Variants in PSD3 observed in about 807,000 individuals in gnomAD.
PSD3 encodes the protein PH and SEC7 domain-containing protein 3.
In PSD3, 49 loss-of-function variants were observed where a neutral mutation model predicts 105.5. That is an observed-to-expected ratio of 0.46 (90% CI 0.37 to 0.59). The LOEUF is 0.59. PSD3 is among the 20% of genes least tolerant of loss of function. PSD3 has a pLI of 0.00. For synonymous variants in PSD3, 557 were observed against 457.8 expected (o/e 1.22, Z -2.77); for missense variants, 1,561 against 1,263.8 (o/e 1.24, Z -3.57).
intron 1 of PSD3, among the ~76,000 whole-genome samples, chr8:19,054,048 A>G (rs572829423): frequency 4.0e-4 from 61 of 152,240 alleles, no homozygotes; most frequent in African/African-American, 1.4e-3. Context: ...TGTAAGTTGT[A>G]CTGGTACTTG....
intron 9 of PSD3, among the ~76,000 whole-genome samples, chr8:18,669,296 A>G (rs1563158363): frequency 6.6e-6 from 1 of 152,256 alleles, no homozygotes; most frequent in African/African-American, 2.4e-5. Context: ...CCAGTGGAAC[A>G]TGAAACCACG....
intron 9 of PSD3, among the ~76,000 whole-genome samples, chr8:18,674,142 C>CT (rs199608020): frequency 3.3e-5 from 5 of 150,176 alleles, no homozygotes; most frequent in African/African-American, 1.2e-4. Flanking sequence ...TGAAACTTGT[C>CT]TTAAAAAAAA....
intron 9 of PSD3, among the ~76,000 whole-genome samples, chr8:18,752,519 AATAT>A (rs554742638): frequency 4.4e-5 from 3 of 67,882 alleles, no homozygotes; most frequent in Admixed American, 2.3e-4. Flanking sequence ...TAATATATGT[AATAT>A]ATATAATTAT....
At chr8:18,810,361 T>G (rs369328426) in intron 4 of PSD3, among the ~76,000 whole-genome samples, 5 of 152,330 alleles carry the variant, frequency 3.3e-5, no homozygotes, top group Admixed American at 2.6e-4. Flanking sequence ...TATGTGGCAC[T>G]AATTTTCCAA....
At chr8:19,028,572 T>A (rs931215205) in intron 1 of PSD3, among the ~76,000 whole-genome samples, 1 of 152,158 alleles carries the variant, frequency 6.6e-6, no homozygotes, top group African/African-American at 2.4e-5. Context: ...TAAGAATTCT[T>A]TATACATCCT....
chr8:19,036,406 C>G (rs1041345074), intron 1 of PSD3, among the ~76,000 whole-genome samples: 10 of 152,166 alleles, frequency 6.6e-5, no homozygotes, highest in Non-Finnish European at 1.3e-4. Flanking sequence ...GACCCGCCTC[C>G]TGTCATTGAC....
chr8:18,918,580 T>C (rs2129466517), intron 2 of PSD3, among the ~76,000 whole-genome samples: 1 of 152,350 alleles, frequency 6.6e-6, no homozygotes, highest in Non-Finnish European at 1.5e-5. Context: ...TGAAGGAAGT[T>C]TTTAGCATCT....
chr8:18,678,534 G>A (rs1393716876), intron 9 of PSD3, among the ~76,000 whole-genome samples: 3 of 152,206 alleles, frequency 2.0e-5, no homozygotes, highest in Non-Finnish European at 4.4e-5. Flanking sequence ...TTTCCCAGCT[G>A]GGCGTGGTGG....
chr8:18,842,544 T>C (rs1814715822), intron 4 of PSD3, among the ~76,000 whole-genome samples: 1 of 152,032 alleles, frequency 6.6e-6, no homozygotes, highest in Non-Finnish European at 1.5e-5. Flanking sequence ...CCATCCTGGC[T>C]AACACGGTGA....
intron 9 of PSD3, among the ~76,000 whole-genome samples, chr8:18,679,726 G>A (rs1348988450): frequency 3.3e-5 from 5 of 152,114 alleles, no homozygotes; most frequent in Admixed American, 1.3e-4. Flanking sequence ...GCCAGGATGC[G>A]GCATCCTGAC....
intron 8 of PSD3, among the ~76,000 whole-genome samples, chr8:18,776,565 A>G (rs2129444873): frequency 6.6e-6 from 1 of 151,972 alleles, no homozygotes; most frequent in South Asian, 2.1e-4. Context: ...TTTAGTAGAG[A>G]CAGGGTTTCA....
intron 1 of PSD3, among the ~76,000 whole-genome samples, chr8:18,964,718 G>A (rs1411340107): frequency 1.3e-5 from 2 of 152,076 alleles, no homozygotes; most frequent in Admixed American, 6.5e-5. Flanking sequence ...AAGATCCTGC[G>A]TCTACCACTG....
intron 10 of PSD3, among the ~76,000 whole-genome samples, chr8:18,654,322 A>G (rs1015468148): frequency 2.0e-5 from 3 of 152,222 alleles, no homozygotes; most frequent in African/African-American, 7.2e-5. Flanking sequence ...TGCAGATAAC[A>G]TAACAAGTTT....
intron 1 of PSD3, among the ~76,000 whole-genome samples, chr8:18,947,753 C>T (rs934058305): frequency 3.2e-4 from 48 of 152,184 alleles, no homozygotes; most frequent in Admixed American, 2.0e-3. Context: ...CTTCTAGGAA[C>T]CGTGCCTGGC....
chr8:18,743,611 G>C (rs1804749249), intron 9 of PSD3, among the ~76,000 whole-genome samples: 1 of 151,944 alleles, frequency 6.6e-6, no homozygotes, highest in African/African-American at 2.4e-5. Context: ...CCATATTTTG[G>C]AGTGAAGTTC....
chr8:18,909,634 T>C (rs334741), intron 2 of PSD3, among the ~76,000 whole-genome samples: 55,116 of 151,766 alleles, frequency 0.36, 11,215 homozygotes, highest in African/African-American at 0.54. Context: ...CAGGCTCACG[T>C]TACCATGCCC....
Position 19,013,553 on chromosome 8 carries a change from C to T in PSD3, c.21+10G>A, listed in dbSNP as rs1208503967. On this transcript the variant is annotated intron_variant, in intron 1 of 15. Coordinates refer to ENST00000327040, the MANE Select transcript of PSD3 (RefSeq NM_015310.4). ...GCACCCCGCGCCCGCGCCCCGGCCC[C>T]GGAGCTCACCGCTGCGCTCCTTCCT... is the stretch of plus-strand genomic sequence containing the variant. The T allele has an allele frequency of 1.9e-6, 3 of 1,565,716 alleles. No homozygotes were observed. Among genetic ancestry groups the T allele is most frequent in the Non-Finnish European group, 2.6e-6 (3 of 1,164,496 alleles).
At chr8:18,939,530 T>G (rs1008035337) in intron 1 of PSD3, among the ~76,000 whole-genome samples, 1 of 151,220 alleles carries the variant, frequency 6.6e-6, no homozygotes, top group South Asian at 2.1e-4. Flanking sequence ...TTTTTTTTTT[T>G]AGAGATGGGA....
intron 2 of PSD3, among the ~76,000 whole-genome samples, chr8:18,910,095 T>C (rs145927462): frequency 4.3e-4 from 66 of 152,250 alleles, no homozygotes; most frequent in African/African-American, 1.6e-3. Flanking sequence ...ATGCTCCCAA[T>C]GGAAAGGAAC....
Sources: allele counts gnomAD v4.1 joint callset (sites outside exome capture counted in the v4.1 genomes callset), GRCh38; gene constraint gnomAD v4.1.1; transcripts MANE v1.5; gene names NCBI Gene and HGNC (gene_info 2026-07-23, HGNC 2026-07-21).